MARCHF6: variants seen among roughly 807,000 people sequenced by gnomAD.
MARCHF6 encodes E3 ubiquitin-protein ligase MARCHF6.
In MARCHF6, 31 loss-of-function variants were observed where a neutral mutation model predicts 133.7. The observed-to-expected ratio is 0.23, with a 90% CI of 0.17 to 0.31. The LOEUF is 0.31. Ranked by LOEUF, MARCHF6 falls within the 10% of genes least tolerant of loss-of-function variation. The pLI, the probability that MARCHF6 is intolerant of heterozygous loss-of-function variation, is 1.00. For synonymous variants in MARCHF6, 395 were observed against 402.5 expected (o/e 0.98, Z 0.22); for missense variants, 723 against 1,121.6 (o/e 0.64, Z 5.08).
In MARCHF6 at chr5:10,426,463, T is replaced by C. The variant is rs1014398375; in HGVS notation, c.2447T>C (p.Val816Ala). Reference sequence around the variant, plus strand: ...AAACTGGCAGCTCCCGTGATCTCTGTGCTGTTGCTTTCCCTGTGTGTACCT... The same window carrying C: ...AAACTGGCAGCTCCCGTGATCTCTGCGCTGTTGCTTTCCCTGTGTGTACCT... ...VRKLAAPVIS[V>A]LLLSLCVPYV... is the part of the protein sequence containing the mutation. The change falls in exon 24 of 26, where the codon GTG (valine) becomes GCG (alanine). Residue 816 changes from valine to alanine, a missense_variant. By Grantham distance (64) the Val-to-Ala change is moderately conservative. Around this residue, in one of 4 missense-constraint regions of MARCHF6, gnomAD observed 492 missense variants for 699.5 expected, o/e 0.70. Transcript: ENST00000274140. 1 of 1,614,096 alleles carries C rather than the reference T, an allele frequency of 6.2e-7. No individual in the cohort carries two copies. Among genetic ancestry groups the C allele is most frequent in the African/African-American group, 1.3e-5 (1 of 74,952 alleles).
intron 24 of MARCHF6, among the ~76,000 whole-genome samples, chr5:10,428,764 A>G (rs1365796983): frequency 6.6e-6 from 1 of 152,198 alleles, no homozygotes. Context: ...ATTAGCATAT[A>G]TTATGTTCTG....
intron 9 of MARCHF6, 21 bp from the exon 10 acceptor site, chr5:10,397,272 A>G: frequency 2.0e-6 from 3 of 1,536,958 alleles, no homozygotes. Context: ...AATATGCTTT[A>G]TTGATGCTTT....
intron 1 of MARCHF6, among the ~76,000 whole-genome samples, chr5:10,372,322 T>C (rs1322061817): frequency 6.6e-6 from 1 of 152,210 alleles, no homozygotes; most frequent in East Asian, 1.9e-4. Flanking sequence ...GATATAATGC[T>C]TTATGAAATG....
At chr5:10,399,686 ACT>A (rs549771261) in intron 10 of MARCHF6, among the ~76,000 whole-genome samples, 2 of 152,036 alleles carry the variant, frequency 1.3e-5, no homozygotes, top group African/African-American at 4.8e-5. Context: ...TCATATTCAA[ACT>A]CTCTGGGTTG....
intron 4 of MARCHF6, among the ~76,000 whole-genome samples, chr5:10,383,101 A>G (rs979102247): frequency 2.6e-5 from 4 of 152,236 alleles, no homozygotes; most frequent in Non-Finnish European, 4.4e-5. Context: ...TCCTTAAAAT[A>G]TGATAAAATA....
At position 10,420,276 on chromosome 5, in the gene MARCHF6, T is replaced by C. The variant is rs80173710; in HGVS notation, c.2283+2872T>C. 1.3e-3 allele frequency among the ~76,000 whole-genome samples: 197 copies of C among 152,256 alleles called. 3 individuals carry two copies. The East Asian group carries it at 0.016, about 13-fold the overall frequency. ...TTACTGGGTATAAGCAAGTAACAAA[T>C]GTTGGCTAAGATTCAAGGGAAGAGG... On this transcript the variant is annotated intron_variant, in intron 22 of 25. Coordinates refer to ENST00000274140, the MANE Select transcript of MARCHF6 (RefSeq NM_005885.4).
intron 4 of MARCHF6, among the ~76,000 whole-genome samples, chr5:10,384,063 C>CT (rs1737323572): frequency 6.6e-6 from 1 of 152,046 alleles, no homozygotes. Context: ...AAAAGATGGT[C>CT]TTTTCAGTAA....
chr5:10,391,451 T>C, intron 6 of MARCHF6, 91 bp from the exon 7 acceptor site: 3 of 542,624 alleles, frequency 5.5e-6, no homozygotes, highest in Non-Finnish European at 8.5e-6. Context: ...TTTTTTTTTT[T>C]TTTTTTTTTT....
At position 10,368,013 on chromosome 5, in the gene MARCHF6, A is replaced by C. The variant is rs1417041585; in HGVS notation, c.20-9785A>C. On this transcript the variant is annotated intron_variant, in intron 1 of 25. Coordinates refer to ENST00000274140, the MANE Select transcript of MARCHF6 (RefSeq NM_005885.4). ...TGAGCAAGATTCATAATTTTACTGC[A>C]TACGAATCTGATGGGGGGGAGCCTC... Among the ~76,000 whole-genome samples the C allele has an allele frequency of 3.3e-5, 5 of 152,190 alleles. No homozygotes were observed. The East Asian group carries it at 9.6e-4, about 29-fold the overall frequency.
intron 7 of MARCHF6, among the ~76,000 whole-genome samples, chr5:10,393,646 A>G (rs898054046): frequency 6.6e-6 from 1 of 152,144 alleles, no homozygotes; most frequent in African/African-American, 2.4e-5. Context: ...TAAATCTTTT[A>G]GTAGTTTTCC....
chr5:10,372,066 C>CA (rs536138204), intron 1 of MARCHF6, among the ~76,000 whole-genome samples: 169 of 116,718 alleles, frequency 1.4e-3, no homozygotes, highest in Middle Eastern at 4.5e-3. Flanking sequence ...GTGAGTAGGC[C>CA]AAAAAAAAAA....
intron 1 of MARCHF6, 93 bp from the exon 2 acceptor site, chr5:10,377,705 C>T: frequency 1.4e-6 from 1 of 735,328 alleles, no homozygotes; most frequent in Non-Finnish European, 2.4e-6. Context: ...TAGATTCTTG[C>T]TTTAATGTCC....
At chr5:10,413,472 A>G (rs2126792640) in intron 19 of MARCHF6, 1 of 152,336 alleles carries the variant, frequency 6.6e-6, no homozygotes, top group Middle Eastern at 3.4e-3. Flanking sequence ...GGCAAGCTAC[A>G]GTTGCTGCCT....
At chr5:10,379,627 AT>A (rs920985053) in intron 3 of MARCHF6, among the ~76,000 whole-genome samples, 1 of 151,762 alleles carries the variant, frequency 6.6e-6, no homozygotes, top group African/African-American at 2.4e-5. Flanking sequence ...CACCTGGCTA[AT>A]TTTTTTGTAT....
rs1237869467 is a variant in MARCHF6 at position 10,440,329 on chromosome 5, T to C, written c.*6645T>C. On this transcript the variant is annotated 3_prime_UTR_variant, in exon 26 of 26. Transcript: ENST00000274140. ...GTAACTGCTGTTAATAGTTTAGTTGTGTGCTTCCAGACATACCTTCACAGA... is the reference window on the plus strand; with the variant it reads ...GTAACTGCTGTTAATAGTTTAGTTGCGTGCTTCCAGACATACCTTCACAGA... 6.6e-6 allele frequency: 1 copy of C among 152,228 alleles called. No homozygotes were observed. Among genetic ancestry groups the C allele is most frequent in the Non-Finnish European group, 1.5e-5 (1 of 68,032 alleles). 9.4% of individuals were successfully genotyped at this position (152,228 alleles called of 1,614,324 possible). A position where few individuals can be genotyped will look rare whatever the true frequency, so the allele number is the denominator to read the frequency against.
intron 5 of MARCHF6, among the ~76,000 whole-genome samples, chr5:10,387,294 TTTTCTTTC>T: frequency 6.6e-6 from 1 of 152,038 alleles, no homozygotes; most frequent in Non-Finnish European, 1.5e-5. Flanking sequence ...ATGGGATGAC[TTTTCTTTC>T]TTTCTTTTTT....
chr5:10,375,989 C>T (rs1362697260), intron 1 of MARCHF6, among the ~76,000 whole-genome samples: 1 of 152,160 alleles, frequency 6.6e-6, no homozygotes, highest in African/African-American at 2.4e-5. Context: ...GTATCTAGCT[C>T]AGGGATTGTA....
chr5:10,375,573 A>C (rs1482431676), intron 1 of MARCHF6, among the ~76,000 whole-genome samples: 3 of 152,220 alleles, frequency 2.0e-5, no homozygotes, highest in Middle Eastern at 6.3e-3. Context: ...AGGCAGCTCC[A>C]CCTGCAGCCC....
Position 10,437,304 on chromosome 5 carries a change from T to C in MARCHF6, c.*3620T>C, listed in dbSNP as rs1740691758. 1 of 152,236 alleles carries C rather than the reference T, an allele frequency of 6.6e-6. No individual in the cohort carries two copies. Among genetic ancestry groups the C allele is most frequent in the African/African-American group, 2.4e-5 (1 of 41,476 alleles). The allele number at this position is 152,236 out of a possible 1,614,324, so 9.4% of individuals were successfully genotyped here. A position where few individuals can be genotyped will look rare whatever the true frequency, so the allele number is the denominator to read the frequency against. ...TTTAAAATACTTCTTTAGGATGTTA[T>C]TCAGCCATCAAAAAAAAACCCAACT... On this transcript the variant is annotated 3_prime_UTR_variant, in exon 26 of 26. Coordinates refer to ENST00000274140, the MANE Select transcript of MARCHF6 (RefSeq NM_005885.4).
Sources: gnomAD v4.1 joint callset for allele counts (sites outside exome capture counted in the v4.1 genomes callset) on GRCh38, gnomAD v4.1.1 for gene constraint, gnomAD v4.1.1 regional missense constraint, MANE v1.5 for transcripts, NCBI Gene and HGNC (gene_info 2026-07-23, HGNC 2026-07-21) for gene names.